Variants in SCMH1 observed in about 807,000 individuals in gnomAD.
The protein encoded by SCMH1 is polycomb protein SCMH1.
SCMH1 carries 37 observed loss-of-function variants against 70.8 expected under a neutral mutation model. That is an observed-to-expected ratio of 0.52 (90% CI 0.40 to 0.69). The LOEUF (loss-of-function observed/expected upper bound fraction) is 0.69, where lower values mean the gene tolerates loss of function less well. Ranked by LOEUF, SCMH1 falls within the 30% of genes least tolerant of loss-of-function variation. The pLI, the probability that SCMH1 is intolerant of heterozygous loss-of-function variation, is 0.00. For synonymous variants in SCMH1, 292 were observed against 307.4 expected, an observed-to-expected ratio of 0.95 and a Z score of 0.52; for missense variants, 607 against 827.3, an observed-to-expected ratio of 0.73 and a Z score of 3.27.
rs186123874 is a variant in SCMH1 at position 41,199,967 on chromosome 1, C to A, written c.-117-13717G>T. On this transcript the variant is annotated intron_variant, in intron 1 of 14. Transcript: ENST00000337495. ...AGTATAGTTTAAAACAAGAAGAAGA[C>A]CATCCCTAGTTTACTTATCATAGAC... 8.5e-4 allele frequency among the ~76,000 whole-genome samples: 130 copies of A among 152,294 alleles called. 1 individual carries two copies. The highest frequency in any genetic ancestry group is 2.7e-3 in the African/African-American group (112 of 41,554).
rs1464144278 is a variant in SCMH1, at chr1:41,208,417, A to AC, written c.-117-22168_-117-22167insG. 4.9e-5 allele frequency among the ~76,000 whole-genome samples: 6 copies of AC among 122,714 alleles called. No individual in the cohort carries two copies. In the South Asian group the frequency reaches 8.9e-4, roughly 18 times the overall value. 80.5% of individuals were successfully genotyped at this position (122,714 alleles called of 152,430 possible). A position where few individuals can be genotyped will look rare whatever the true frequency, so the allele number is the denominator to read the frequency against. The stretch of plus-strand genomic sequence containing the variant: ...AATGTGCACATGTACCCTAAAACTT[A>AC]GAGTATAAGAAAAAAATTAAAAAAA... On this transcript the variant is annotated intron_variant, in intron 1 of 14. Coordinates refer to ENST00000337495, the Ensembl canonical transcript of SCMH1.
At chr1:41,074,071 T>TC (rs1050259917) in intron 9 of SCMH1, among the ~76,000 whole-genome samples, 14 of 143,074 alleles carry the variant, frequency 9.8e-5, no homozygotes, top group East Asian at 8.0e-4. Flanking sequence ...CTGACAGAAG[T>TC]CTTTTTTTTT....
chr1:41,223,764 A>C (rs2148863846), intron 1 of SCMH1, among the ~76,000 whole-genome samples: 1 of 152,252 alleles, frequency 6.6e-6, no homozygotes, highest in Non-Finnish European at 1.5e-5. Flanking sequence ...ACTTTCAAAG[A>C]CCTGTTGTGA....
intron 7 of SCMH1, among the ~76,000 whole-genome samples, chr1:41,115,917 A>G (rs1440523888): frequency 6.6e-6 from 1 of 152,180 alleles, no homozygotes; most frequent in East Asian, 1.9e-4. Context: ...GATTTTTAAA[A>G]ATCTGATCTA....
At chr1:41,126,216 G>A (rs1177429545) in intron 6 of SCMH1, among the ~76,000 whole-genome samples, 2 of 151,984 alleles carry the variant, frequency 1.3e-5, no homozygotes, top group African/African-American at 4.8e-5. Context: ...AAATTTCTTT[G>A]CAGTCCATTT....
At chr1:41,038,427 T>C (rs1224731531) in intron 12 of SCMH1, among the ~76,000 whole-genome samples, 1 of 152,188 alleles carries the variant, frequency 6.6e-6, no homozygotes. Context: ...TACTGGAGCA[T>C]AACACTGTCC....
At chr1:41,118,971 T>A (rs1353647614) in intron 6 of SCMH1, among the ~76,000 whole-genome samples, 2 of 152,216 alleles carry the variant, frequency 1.3e-5, no homozygotes, top group Non-Finnish European at 2.9e-5. Context: ...GACTATCTAA[T>A]CCTCAAGACA....
chr1:41,098,987 T>G, intron 8 of SCMH1: 1 of 260,602 alleles, frequency 3.8e-6, no homozygotes, highest in East Asian at 9.9e-5. Context: ...AATCAACAAG[T>G]ACCAGATCAA....
At chr1:41,093,891 A>G (rs544603799) in intron 8 of SCMH1, among the ~76,000 whole-genome samples, 53 of 152,210 alleles carry the variant, frequency 3.5e-4, no homozygotes, top group Non-Finnish European at 6.6e-4. Context: ...AAATGCTATT[A>G]GCTGTTTTCT....
At chr1:41,037,314 A>G (rs1645440652) in intron 13 of SCMH1, 48 bp downstream of exon 13, 5 of 1,576,252 alleles carry the variant, frequency 3.2e-6, no homozygotes, top group African/African-American at 1.3e-5. Context: ...AAGGAAGTGA[A>G]GGAAAGAGTG....
chr1:41,142,485 CTT>C (rs1416608091), intron 6 of SCMH1, among the ~76,000 whole-genome samples: 2 of 152,138 alleles, frequency 1.3e-5, no homozygotes, highest in Non-Finnish European at 2.9e-5. Flanking sequence ...ATAAGAGATC[CTT>C]ATAACAGCCA....
At chr1:41,202,595 T>C in intron 1 of SCMH1, among the ~76,000 whole-genome samples, 1 of 152,184 alleles carries the variant, frequency 6.6e-6, no homozygotes, top group East Asian at 1.9e-4. Context: ...TGTCTAACCT[T>C]GTTAAATTTA....
chr1:41,213,331 A>G (rs1427740322), intron 1 of SCMH1, among the ~76,000 whole-genome samples: 1 of 152,142 alleles, frequency 6.6e-6, no homozygotes, highest in African/African-American at 2.4e-5. Flanking sequence ...TTCATTATAA[A>G]CCCTTTCACT....
intron 1 of SCMH1, among the ~76,000 whole-genome samples, chr1:41,236,672 A>T (rs1006256972): frequency 1.4e-5 from 2 of 140,436 alleles, no homozygotes; most frequent in South Asian, 4.5e-4. Context: ...TCGGATCCCT[A>T]CATAAAATCA....
intron 1 of SCMH1, among the ~76,000 whole-genome samples, chr1:41,240,230 C>CTGGTA (rs1260334297): frequency 6.6e-6 from 1 of 152,182 alleles, no homozygotes; most frequent in African/African-American, 2.4e-5. Context: ...ATTCTGACTG[C>CTGGTA]TGGTATGTGC....
intron 1 of SCMH1, among the ~76,000 whole-genome samples, chr1:41,216,220 A>G (rs1435851609): frequency 6.6e-6 from 1 of 152,194 alleles, no homozygotes; most frequent in African/African-American, 2.4e-5. Context: ...GTGCAAAACA[A>G]TTTTTATGGA....
At chr1:41,193,098 T>C (rs1652126293) in intron 1 of SCMH1, among the ~76,000 whole-genome samples, 1 of 152,264 alleles carries the variant, frequency 6.6e-6, no homozygotes, top group South Asian at 2.1e-4. Flanking sequence ...GATTGCCAAC[T>C]ACTAACCTAG....
At chr1:41,200,774 T>G (rs1192177235) in intron 1 of SCMH1, among the ~76,000 whole-genome samples, 2 of 152,282 alleles carry the variant, frequency 1.3e-5, no homozygotes, top group East Asian at 3.9e-4. Context: ...TTAGAATGGC[T>G]TTTTCTCTAA....
At position 41,069,885 on chromosome 1, in the gene SCMH1, T is replaced by C. The variant is rs1319584509; in HGVS notation, c.1105+710A>G. On this transcript the variant is annotated intron_variant, in intron 10 of 14. Transcript: ENST00000337495. ...GGATTTGATTAGAGACATAATCAAC[T>C]CCTTCTAAGAGAAAGACAACCCTAA... Among the ~76,000 whole-genome samples, 6 of 152,324 alleles carry C rather than the reference T, an allele frequency of 3.9e-5. No homozygotes were observed. The East Asian group carries it at 1.2e-3, about 29-fold the overall frequency.
Sources: allele counts gnomAD v4.1 joint callset (sites outside exome capture counted in the v4.1 genomes callset), GRCh38; gene constraint gnomAD v4.1.1; transcripts MANE v1.5; gene names NCBI Gene and HGNC (gene_info 2026-07-23, HGNC 2026-07-21).